The following ITGA10 variants were observed in gnomAD, a reference collection of about 807,000 sequenced individuals.
ITGA10 encodes the protein integrin alpha-10.
Under a neutral mutation model 145.2 loss-of-function variants are expected in ITGA10, and 105 were observed. That is an observed-to-expected ratio of 0.72 (90% CI 0.62 to 0.85). The LOEUF (loss-of-function observed/expected upper bound fraction) is 0.85. Among genes scored for constraint, ITGA10 ranks in the 40% least tolerant of loss-of-function variants. ITGA10 has a pLI of 0.00. For missense variants in ITGA10, 1,317 were observed against 1,444.5 expected, an observed-to-expected ratio of 0.91 and a Z score of 1.43; for synonymous variants, 506 against 557.8, an observed-to-expected ratio of 0.91 and a Z score of 1.31.
chr1:145,899,936 TA>T, intron 15 of ITGA10, 120 bp downstream of exon 15: 1 of 981,526 alleles, frequency 1.0e-6, no homozygotes, highest in Non-Finnish European at 1.5e-6. Context: ...TTTTATAAAC[TA>T]AGAATGGAGG....
At chr1:145,904,553 T>C (rs1217514541) in intron 6 of ITGA10, 131 bp downstream of exon 6, 10 of 977,842 alleles carry the variant, frequency 1.0e-5, no homozygotes, top group Non-Finnish European at 1.5e-5. Flanking sequence ...TTCTTTCATA[T>C]TTTTAGAGAT....
chr1:145,907,200 G>T, intron 2 of ITGA10, 50 bp from the exon 3 acceptor site: 1 of 1,563,560 alleles, frequency 6.4e-7, no homozygotes, highest in South Asian at 1.2e-5. Flanking sequence ...CATGACCCTT[G>T]ACATAGGCCA....
intron 5 of ITGA10, 138 bp from the exon 6 acceptor site, chr1:145,904,949 T>C (rs781868154): frequency 4.6e-5 from 38 of 819,672 alleles, no homozygotes; most frequent in Non-Finnish European, 7.2e-5. Context: ...CCAGGCTCTG[T>C]GTAAGTGTAG....
In ITGA10 at chr1:145,904,778, A is replaced by G. The variant is rs1656889029; in HGVS notation, c.515T>C (p.Leu172Ser). ...GGGGTAGATGCTGTTGGAGCCATCC[A>G]AGACAATGACAACATCCATGTATGT... ...CPTYMDVVIV[L>S]DGSNSIYPWS... is the part of the protein sequence containing the mutation. Residue 172 changes from leucine (L) to serine (S), a missense_variant, in exon 6 of 30, where the codon TTG becomes TCG. Physicochemically the swap from Leu to Ser is moderately radical, Grantham distance 145 (BLOSUM62 -2). Coordinates refer to ENST00000369304, the MANE Select transcript of ITGA10 (RefSeq NM_003637.5). The G allele has an allele frequency of 2.5e-6, 4 of 1,613,870 alleles. No homozygotes were observed. The highest frequency in any genetic ancestry group is 1.7e-5 in the Admixed American group (1 of 59,992).
intron 1 of ITGA10, 69 bp downstream of exon 1, chr1:145,909,894 T>C: frequency 1.5e-6 from 2 of 1,324,106 alleles, no homozygotes; most frequent in Non-Finnish European, 1.1e-6. Flanking sequence ...TTAACTATAA[T>C]GGTCCCAATT....
intron 5 of ITGA10, 118 bp downstream of exon 5, chr1:145,906,276 G>A: frequency 1.4e-6 from 1 of 719,876 alleles, no homozygotes; most frequent in Non-Finnish European, 2.4e-6. Flanking sequence ...AAGCACATTA[G>A]GTAGCAATGA....
In ITGA10 at chr1:145,901,223, G is replaced by T; in HGVS notation, c.1499C>A (p.Thr500Lys). ...LCPLDTDRDG[T>K]TDVLLVAAPM... ...GGCAGCCACAAGTAAGACATCAGTT[G>T]TTCCATCCCTATCTGTATCCAATGG... Residue 500 changes from threonine (T) to lysine (K), a missense_variant, in exon 13 of 30, where the codon ACA becomes AAA. Physicochemically the swap from Thr to Lys is moderately conservative, Grantham distance 78. Coordinates refer to ENST00000369304, the MANE Select transcript of ITGA10 (RefSeq NM_003637.5). This position sits in a 1 kb window ranked among gnomAD's most constrained non-coding sequence, Gnocchi z 4.3. The T allele has an allele frequency of 6.2e-7, 1 of 1,614,112 alleles. No individual in the cohort carries two copies. The highest frequency in any genetic ancestry group is 1.1e-5 in the South Asian group (1 of 91,082).
At position 145,897,413 on chromosome 1, in the gene ITGA10, C is replaced by G. The variant is rs375878321; in HGVS notation, c.2575-74G>C. 6.9e-5 allele frequency: 110 copies of G among 1,594,418 alleles called. No individual in the cohort carries two copies. In the Middle Eastern group the frequency reaches 2.3e-3, roughly 34 times the overall value. On this transcript the variant is annotated intron_variant, in intron 20 of 29. Transcript: ENST00000369304. ...CTGTCCTACCCACAGCCTCTAAACACTGAGCCTTTCTCTAGAGGACCTCAC... is the reference window on the plus strand; with the variant it reads ...CTGTCCTACCCACAGCCTCTAAACAGTGAGCCTTTCTCTAGAGGACCTCAC...
At position 145,896,513 on chromosome 1, in the gene ITGA10, A is replaced by G. The variant is rs1228171302; in HGVS notation, c.2835-161T>C. Among the ~76,000 whole-genome samples, 4 of 152,270 alleles carry G rather than the reference A, an allele frequency of 2.6e-5. No homozygotes were observed. The Middle Eastern group carries it at 0.014, about 521-fold the overall frequency. On this transcript the variant is annotated intron_variant, in intron 23 of 29. Coordinates refer to ENST00000369304, the MANE Select transcript of ITGA10 (RefSeq NM_003637.5). ...GACAGAAGTAGAACATGACACAGAC[A>G]ATGCAAGCTTTATGGCTACATCCCA...
chr1:145,897,425 C>G, intron 20 of ITGA10, 86 bp from the exon 21 acceptor site: 1 of 1,594,660 alleles, frequency 6.3e-7, no homozygotes, highest in South Asian at 1.1e-5. Context: ...GAGCCTTTCT[C>G]TAGAGGACCT....
chr1:145,907,694 A>G (rs587757983), intron 1 of ITGA10: 48 of 612,308 alleles, frequency 7.8e-5, no homozygotes, highest in Non-Finnish European at 9.1e-5. Context: ...ATGCTGATGT[A>G]CAGCTGTATT....
At chr1:145,894,945 T>C (rs1655175654) in intron 27 of ITGA10, among the ~76,000 whole-genome samples, 1 of 152,178 alleles carries the variant, frequency 6.6e-6, no homozygotes, top group Non-Finnish European at 1.5e-5. Context: ...CCTGCAAATG[T>C]TGATTGATAC....
At chr1:145,906,956 G>C in intron 3 of ITGA10, 85 bp downstream of exon 3, 1 of 1,182,088 alleles carries the variant, frequency 8.5e-7, no homozygotes, top group Non-Finnish European at 1.2e-6. Flanking sequence ...GATTTTAGGG[G>C]TGAAAAAGCT....
At chr1:145,898,357 GTTAA>G in intron 17 of ITGA10, 134 bp from the exon 18 acceptor site, 6 of 369,344 alleles carry the variant, frequency 1.6e-5, no homozygotes, top group Non-Finnish European at 9.7e-6. Flanking sequence ...TAATTAATTA[GTTAA>G]TTTATTTATT....
intron 15 of ITGA10, 53 bp from the exon 16 acceptor site, chr1:145,899,394 A>G (rs1374547241): frequency 6.3e-7 from 1 of 1,582,150 alleles, no homozygotes; most frequent in Non-Finnish European, 8.6e-7. Flanking sequence ...GCCCTCTGAG[A>G]AGTGCAAGCC....
chr1:145,899,114 G>A (rs201742205), intron 16 of ITGA10, 36 bp from the exon 17 acceptor site: 7 of 1,614,270 alleles, frequency 4.3e-6, no homozygotes, highest in Admixed American at 1.7e-5. Context: ...GTGGAAAGGG[G>A]TCTAGTGAGG....
At position 145,897,155 on chromosome 1, in the gene ITGA10, C is replaced by G. The variant is rs1466476804; in HGVS notation, c.2668-68G>C. On this transcript the variant is annotated intron_variant, in intron 21 of 29. Transcript: ENST00000369304. The stretch of plus-strand genomic sequence containing the variant: ...GGAACAACTACAGAGGAACAGGAGC[C>G]CTTGTGCGCCCCCTTCCCTGAAGTC... 5.1e-6 allele frequency: 8 copies of G among 1,555,538 alleles called. No individual in the cohort carries two copies. In the Admixed American group the frequency reaches 8.3e-5, roughly 16 times the overall value.
At position 145,892,028 on chromosome 1, in the gene ITGA10, G is replaced by A. The variant is rs1654802509; in HGVS notation, c.*770C>T. ...AGCTCCAGCCACCTGAGGGCTCCTG[G>A]CTTCAGAAAATCAGGCACCAGGCCC... On this transcript the variant is annotated 3_prime_UTR_variant, in exon 30 of 30. Transcript: ENST00000369304. 1 of 152,604 alleles carries A rather than the reference G, an allele frequency of 6.6e-6. No individual in the cohort carries two copies. 9.5% of individuals were successfully genotyped at this position (152,604 alleles called of 1,614,324 possible).
In ITGA10 at chr1:145,898,233, AAC is replaced by A; in HGVS notation, c.2233-12_2233-11del. ...GGTAATCTGATGTATCCTGAAGGAA[AAC>A]AGAGTCACAGAGTCACAGAGTCAAG... On this transcript the variant is annotated splice_polypyrimidine_tract_variant and intron_variant, in intron 17 of 29. Transcript: ENST00000369304. 6.4e-7 allele frequency: 1 copy of A among 1,559,448 alleles called. No individual in the cohort carries two copies. Among genetic ancestry groups the A allele is most frequent in the Non-Finnish European group, 8.8e-7 (1 of 1,130,428 alleles).
Sources: gnomAD v4.1 joint callset for allele counts (sites outside exome capture counted in the v4.1 genomes callset) on GRCh38, gnomAD v4.1.1 for gene constraint, Gnocchi (gnomAD v3.1) non-coding constraint, MANE v1.5 for transcripts, NCBI Gene and HGNC (gene_info 2026-07-23, HGNC 2026-07-21) for gene names.